PPP1R13L: variants seen among roughly 807,000 people sequenced by gnomAD.
PPP1R13L encodes the protein protein phosphatase 1 regulatory subunit 13 like, also known as relA-associated inhibitor.
Under a neutral mutation model 80.9 loss-of-function variants are expected in PPP1R13L, and 50 were observed. That is an observed-to-expected ratio of 0.62 (90% confidence interval 0.49 to 0.78). The LOEUF is 0.78. Ranked by LOEUF, PPP1R13L falls within the 30% of genes least tolerant of loss-of-function variation. The pLI is 0.00. For missense variants in PPP1R13L, 1,200 were observed against 1,205.9 expected (o/e 1.00, Z 0.07); for synonymous variants, 602 against 534.3 (o/e 1.13, Z -1.75).
intron 11 of PPP1R13L, among the ~76,000 whole-genome samples, chr19:45,383,292 C>CTTT (rs1568553288): frequency 8.7e-6 from 1 of 114,308 alleles, no homozygotes; most frequent in African/African-American, 4.1e-5. Context: ...CCGCGCCCGG[C>CTTT]CTTTTTTTTT....
chr19:45,400,728 T>G (rs2123400306), intron 1 of PPP1R13L, among the ~76,000 whole-genome samples: 1 of 147,264 alleles, frequency 6.8e-6, no homozygotes, highest in African/African-American at 2.5e-5. Flanking sequence ...GCTGAGACTA[T>G]AGGTATAGCC....
chr19:45,392,040 T>C lies in PPP1R13L; in HGVS notation c.1655A>G (p.His552Arg). The C allele has an allele frequency of 6.5e-7, 1 of 1,543,036 alleles. No individual in the cohort carries two copies. The highest frequency in any genetic ancestry group is 8.7e-7 in the Non-Finnish European group (1 of 1,147,694). The part of the protein sequence containing the change: ...QYQQIISRLF[H>R]RHGGPGPGGP... ...CCCGGGCCCTGGCCCCCCATGACGA[T>C]GGAAGAGGCGGCTGATGATCTGCTG... Residue 552 changes from histidine (H) to arginine (R), a missense_variant, in exon 8 of 13, where the codon CAT becomes CGT. By Grantham distance (29) the His-to-Arg change is conservative (BLOSUM62 0). Around this residue, in one of 5 missense-constraint regions of PPP1R13L, gnomAD observed 53 missense variants for 96.5 expected, o/e 0.55. Transcript: ENST00000360957.
rs1349790363 is a variant in PPP1R13L at position 45,395,958 on chromosome 19, G to A, written c.904-72C>T. On this transcript the variant is annotated intron_variant, in intron 6 of 12. Transcript: ENST00000360957. ...TGGAGGGGAGGTAAAGACAAAAGACGAGAAGGGAGAGGAGGTGAGGGAAGC... is the reference window on the plus strand; with the variant it reads ...TGGAGGGGAGGTAAAGACAAAAGACAAGAAGGGAGAGGAGGTGAGGGAAGC... 23 of 1,399,354 alleles carry A rather than the reference G, an allele frequency of 1.6e-5. No individual in the cohort carries two copies. The South Asian group carries it at 2.4e-4, about 15-fold the overall frequency. 86.7% of individuals were successfully genotyped at this position (1,399,354 alleles called of 1,614,324 possible). A position where few individuals can be genotyped will look rare whatever the true frequency, so the allele number is the denominator to read the frequency against.
At position 45,396,192 on chromosome 19, in the gene PPP1R13L, C is replaced by T; in HGVS notation, c.879G>A (p.Leu293=). The T allele has an allele frequency of 1.9e-6, 3 of 1,610,926 alleles. No homozygotes were observed. The highest frequency in any genetic ancestry group is 2.5e-6 in the Non-Finnish European group (3 of 1,179,394). ...CCTTGCCGGTGCCCCCCAGTCCATC[C>T]AGGCTGCTCTCCCTCCAAGGCAACA... ...LQLLPWRESS[L]DGLGGTGKDN... Residue 293 remains leucine, a synonymous_variant, in exon 6 of 13, where the codon CTG becomes CTA. Transcript: ENST00000360957. This position sits in a 1 kb window ranked among gnomAD's most constrained non-coding sequence, Gnocchi z 5.3.
At position 45,380,217 on chromosome 19, in the gene PPP1R13L, C is replaced by T. The variant is rs1036101223; in HGVS notation, c.2460G>A (p.Arg820=). Residue 820 remains arginine, a synonymous_variant, in exon 13 of 13, where the codon AGG becomes AGA. Coordinates refer to ENST00000360957, the MANE Select transcript of PPP1R13L (RefSeq NM_006663.4). The part of the protein sequence containing the change: ...VPRNYFGLFP[R]VKPQRSKV The stretch of plus-strand genomic sequence containing the variant: ...AGACTTTACTCCTTTGAGGCTTCAC[C>T]CTGGGGAACAGCTGGGGAGAGACAG... 16 of 1,614,040 alleles carry T rather than the reference C, an allele frequency of 9.9e-6. No homozygotes were observed. The highest frequency in any genetic ancestry group is 1.2e-5 in the Non-Finnish European group (14 of 1,180,000).
Position 45,396,754 on chromosome 19 carries a change from T to A in PPP1R13L, c.503A>T (p.Gln168Leu), listed in dbSNP as rs1159223933. Reference protein sequence around the residue: ...SPRPGPGPLRQQGPPTPFDFL... With the variant: ...SPRPGPGPLRLQGPPTPFDFL... ...GTCGAAAGGCGTGGGGGGACCCTGC[T>A]GGCGGAGCGGGCCTGGCCCGGGCCG... Residue 168 changes from glutamine (Q) to leucine (L), a missense_variant, in exon 4 of 13, where the codon CAG (glutamine) becomes CTG (leucine). Transcript: ENST00000360957. The surrounding 1 kb of genome is among the most constrained non-coding windows in gnomAD (Gnocchi z 5.3). 9 of 1,356,008 alleles carry A rather than the reference T, an allele frequency of 6.6e-6. No homozygotes were observed. Among genetic ancestry groups the A allele is most frequent in the Non-Finnish European group, 7.5e-6 (8 of 1,064,120 alleles). The allele number at this position is 1,356,008 out of a possible 1,614,324, so 84.0% of individuals were successfully genotyped here. A position where few individuals can be genotyped will look rare whatever the true frequency, so the allele number is the denominator to read the frequency against.
chr19:45,385,595 C>A lies in PPP1R13L; in HGVS notation c.2215G>T (p.Glu739Ter). 6.2e-7 allele frequency: 1 copy of A among 1,613,066 alleles called. No individual in the cohort carries two copies. Among genetic ancestry groups the A allele is most frequent in the Non-Finnish European group, 8.5e-7 (1 of 1,179,796 alleles). Reference sequence around the variant, plus strand: ...TAGGTGGCGCAGTCAGCATAACCCTCGCGGTAAGGGTCGCACTTCTCGAAG... The same window carrying A: ...TAGGTGGCGCAGTCAGCATAACCCTAGCGGTAAGGGTCGCACTTCTCGAAG... The part of the protein sequence containing the change: ...TAFEKCDPYR[E>*]GYADCATYLA... The change falls in exon 11 of 13, where the codon GAG becomes TAG. Residue 739 changes from glutamate to a stop codon, truncating the protein, a stop_gained. Coordinates refer to ENST00000360957, the MANE Select transcript of PPP1R13L (RefSeq NM_006663.4). LOFTEE classifies it high-confidence loss of function.
intron 1 of PPP1R13L, among the ~76,000 whole-genome samples, chr19:45,402,314 C>A (rs1401642679): frequency 6.6e-6 from 1 of 152,338 alleles, no homozygotes; most frequent in East Asian, 1.9e-4. Context: ...AACTCCTAGC[C>A]TCATGGGATC....
At chr19:45,383,403 T>C (rs1318709449) in intron 11 of PPP1R13L, among the ~76,000 whole-genome samples, 1 of 145,620 alleles carries the variant, frequency 6.9e-6, no homozygotes, top group African/African-American at 2.6e-5. Context: ...CGAGCCATTC[T>C]CCTGCCTCAG....
intron 12 of PPP1R13L, among the ~76,000 whole-genome samples, chr19:45,380,850 A>C (rs1972748764): frequency 9.8e-6 from 1 of 101,680 alleles, no homozygotes; most frequent in Non-Finnish European, 1.8e-5. Context: ...ACACACACAC[A>C]GAAAAAAAAA....
intron 12 of PPP1R13L, among the ~76,000 whole-genome samples, chr19:45,382,144 T>C (rs899016548): frequency 2.6e-5 from 4 of 151,432 alleles, no homozygotes; most frequent in East Asian, 1.9e-4. Context: ...GGAGAACTGG[T>C]TGAGCCCGGG....
chr19:45,382,662 G>C lies in PPP1R13L; in HGVS notation c.2313C>G (p.Ala771=). Residue 771 remains alanine, a synonymous_variant, in exon 12 of 13, where the codon GCC becomes GCG. Transcript: ENST00000360957. ...GAVYALWDYS[A]EFGDELSFRE... is the part of the protein sequence containing the mutation. ...GGAAGGACAGCTCGTCCCCGAACTC[G>C]GCGCTGTAGTCCCAGAGAGCGTACA... 1.9e-6 allele frequency: 3 copies of C among 1,613,994 alleles called. No individual in the cohort carries two copies. Among genetic ancestry groups the C allele is most frequent in the Non-Finnish European group, 2.5e-6 (3 of 1,180,046 alleles).
In PPP1R13L at chr19:45,396,773, C is replaced by A; in HGVS notation, c.484G>T (p.Gly162Trp). 1 of 1,354,970 alleles carries A rather than the reference C, an allele frequency of 7.4e-7. No individual in the cohort carries two copies. The highest frequency in any genetic ancestry group is 9.4e-7 in the Non-Finnish European group (1 of 1,064,238). 83.9% of individuals were successfully genotyped at this position (1,354,970 alleles called of 1,614,324 possible). A position where few individuals can be genotyped will look rare whatever the true frequency, so the allele number is the denominator to read the frequency against. The part of the protein sequence containing the change: ...SLGRAPSPRP[G>W]PGPLRQQGPP... ...CCCTGCTGGCGGAGCGGGCCTGGCC[C>A]GGGCCGCGGGGAGGGCGCACGGCCG... Residue 162 changes from glycine (G) to tryptophan (W), a missense_variant, in exon 4 of 13, where the codon GGG becomes TGG. Transcript: ENST00000360957. The surrounding 1 kb of genome is among the most constrained non-coding windows in gnomAD (Gnocchi z 5.3).
intron 11 of PPP1R13L, 89 bp downstream of exon 11, chr19:45,385,473 C>A: frequency 7.2e-7 from 1 of 1,391,830 alleles, no homozygotes; most frequent in African/African-American, 1.4e-5. Context: ...AGCCCCCATA[C>A]CCTTCTCTCC....
At chr19:45,397,260 CTA>C (rs1260375580) in intron 3 of PPP1R13L, among the ~76,000 whole-genome samples, 1 of 152,114 alleles carries the variant, frequency 6.6e-6, no homozygotes, top group East Asian at 1.9e-4. Context: ...GCCCATTACT[CTA>C]TGTCACCTTT....
chr19:45,398,235 C>G (rs201173870), intron 2 of PPP1R13L, 29 bp downstream of exon 2: 1 of 1,613,468 alleles, frequency 6.2e-7, no homozygotes, highest in African/African-American at 1.3e-5. Flanking sequence ...GTCCCCGCCT[C>G]GCCAGCCCCG....
Position 45,382,687 on chromosome 19 carries a change from A to G in PPP1R13L, c.2288T>C (p.Val763Ala), listed in dbSNP as rs1192783464. The G allele has an allele frequency of 2.5e-6, 4 of 1,613,882 alleles. No homozygotes were observed. Among genetic ancestry groups the G allele is most frequent in the Non-Finnish European group, 3.4e-6 (4 of 1,180,044 alleles). Residue 763 changes from valine to alanine, a missense_variant, in exon 12 of 13, where the codon GTG (valine) becomes GCG (alanine). Physicochemically the swap from Val to Ala is moderately conservative, Grantham distance 64 (BLOSUM62 0). Coordinates refer to ENST00000360957, the MANE Select transcript of PPP1R13L (RefSeq NM_006663.4). ...GGCGCTGTAGTCCCAGAGAGCGTAC[A>G]CTGCCCCGCTGTTCATCAGCCCCAT... ...QSMGLMNSGAVYALWDYSAEF... is the reference protein window; with the variant it reads ...QSMGLMNSGAAYALWDYSAEF...
At position 45,382,728 on chromosome 19, in the gene PPP1R13L, T is replaced by C; in HGVS notation, c.2249-2A>G. The C allele has an allele frequency of 6.2e-7, 1 of 1,613,904 alleles. No homozygotes were observed. The highest frequency in any genetic ancestry group is 8.5e-7 in the Non-Finnish European group (1 of 1,179,990). ...TCAGCCCCATACTCTGCTCGACGTC[T>C]GAAACATGCCACGGAGGGGAAGGTG... On this transcript the variant is annotated splice_acceptor_variant, in intron 11 of 12. Transcript: ENST00000360957. LOFTEE classifies it high-confidence loss of function.
At chr19:45,401,530 C>A (rs1195769274) in intron 1 of PPP1R13L, among the ~76,000 whole-genome samples, 1 of 152,038 alleles carries the variant, frequency 6.6e-6, no homozygotes, top group African/African-American at 2.4e-5. Context: ...CCTTTAATCT[C>A]TATGAGCCCC....
Sources: allele counts gnomAD v4.1 joint callset (sites outside exome capture counted in the v4.1 genomes callset), GRCh38; gene constraint gnomAD v4.1.1; regional missense constraint gnomAD v4.1.1; non-coding constraint Gnocchi (gnomAD v3.1); transcripts MANE v1.5; gene names NCBI Gene and HGNC (gene_info 2026-07-23, HGNC 2026-07-21).